BRINP3: variants seen among roughly 807,000 people sequenced by gnomAD.
The protein encoded by BRINP3 is BMP/retinoic acid inducible neural specific 3.
In BRINP3, 19 loss-of-function variants were observed where a neutral mutation model predicts 71.0. The observed-to-expected ratio is 0.27, with a 90% CI of 0.19 to 0.39. The LOEUF is 0.39. Among genes scored for constraint, BRINP3 ranks in the 10% least tolerant of loss-of-function variants. BRINP3 has a pLI of 1.00. For missense variants in BRINP3, 959 were observed against 940.8 expected, an observed-to-expected ratio of 1.02 and a Z score of -0.25; for synonymous variants, 380 against 337.7, an observed-to-expected ratio of 1.13 and a Z score of -1.37.
At chr1:190,195,067 C>A (rs572832297) in intron 6 of BRINP3, among the ~76,000 whole-genome samples, 1 of 151,696 alleles carries the variant, frequency 6.6e-6, no homozygotes, top group African/African-American at 2.4e-5. Flanking sequence ...AGGGTTAGTC[C>A]TCTAAAATCA....
chr1:190,098,611 C>A lies in BRINP3; in HGVS notation c.1708G>T (p.Ala570Ser). 2 of 1,614,144 alleles carry A rather than the reference C, an allele frequency of 1.2e-6. No individual in the cohort carries two copies. The highest frequency in any genetic ancestry group is 8.5e-7 in the Non-Finnish European group (1 of 1,180,024). ...TKNSTLEPVL[A>S]VYVNPFGGSH... ...CCTCCGAAGGGATTGACATAAACAG[C>A]CAACACTGGCTCCAAGGTGCTGTTT... The change falls in exon 8 of 8, where the codon GCT (alanine) becomes TCT (serine). Residue 570 changes from alanine (A) to serine (S), a missense_variant. Coordinates refer to ENST00000367462, the MANE Select transcript of BRINP3 (RefSeq NM_199051.3).
At chr1:190,345,715 GAAAAAAAA>G (rs10664849) in intron 2 of BRINP3, among the ~76,000 whole-genome samples, 1 of 103,632 alleles carries the variant, frequency 9.6e-6, no homozygotes, top group African/African-American at 3.4e-5. Context: ...TTTACCTTCA[GAAAAAAAA>G]AAAAAAAAAG....
chr1:190,126,228 AAAAT>A (rs1241587890), intron 7 of BRINP3, among the ~76,000 whole-genome samples: 1 of 152,044 alleles, frequency 6.6e-6, no homozygotes. Flanking sequence ...AACAATTTAA[AAAAT>A]AAATCATTAA....
chr1:190,433,152 C>A (rs1201369522), intron 2 of BRINP3, among the ~76,000 whole-genome samples: 8 of 152,150 alleles, frequency 5.3e-5, no homozygotes, highest in Non-Finnish European at 8.8e-5. Context: ...CTGTCCACAT[C>A]TTCACCTACT....
chr1:190,263,010 T>C (rs1661330382), intron 4 of BRINP3, among the ~76,000 whole-genome samples: 1 of 152,164 alleles, frequency 6.6e-6, no homozygotes, highest in African/African-American at 2.4e-5. Context: ...AATGTGCCTG[T>C]ATATTTCTTA....
intron 2 of BRINP3, among the ~76,000 whole-genome samples, chr1:190,305,630 C>T (rs970429062): frequency 6.6e-6 from 1 of 151,658 alleles, no homozygotes; most frequent in East Asian, 1.9e-4. Context: ...TGCTACAACA[C>T]CCCAGCTTCA....
At chr1:190,368,762 A>G (rs1481920793) in intron 2 of BRINP3, among the ~76,000 whole-genome samples, 2 of 152,126 alleles carry the variant, frequency 1.3e-5, no homozygotes, top group Non-Finnish European at 2.9e-5. Flanking sequence ...CTCCAGAGGA[A>G]GGTCTTCAGG....
chr1:190,436,414 T>A (rs1232149918), intron 2 of BRINP3, among the ~76,000 whole-genome samples: 3 of 151,812 alleles, frequency 2.0e-5, no homozygotes, highest in Non-Finnish European at 3.0e-5. Context: ...TCAACAATCT[T>A]AGAAAAGGAC....
intron 5 of BRINP3, 99 bp downstream of exon 5, chr1:190,234,273 G>T: frequency 3.0e-6 from 2 of 674,994 alleles, no homozygotes; most frequent in African/African-American, 1.8e-5. Flanking sequence ...TTAATAGCCT[G>T]TATGTATATG....
intron 2 of BRINP3, among the ~76,000 whole-genome samples, chr1:190,442,411 G>C (rs918990222): frequency 6.6e-6 from 1 of 152,078 alleles, no homozygotes; most frequent in Non-Finnish European, 1.5e-5. Context: ...TAATTAGTTA[G>C]CTACTAATAT....
intron 2 of BRINP3, among the ~76,000 whole-genome samples, chr1:190,409,517 AAC>A (rs1327817233): frequency 6.6e-6 from 1 of 152,178 alleles, no homozygotes; most frequent in Non-Finnish European, 1.5e-5. Flanking sequence ...AAATTTAAAA[AAC>A]AGAGTACACT....
In BRINP3 at chr1:190,382,362, G is replaced by T. The variant is rs754641639; in HGVS notation, c.236+72293C>A. 5.3e-5 allele frequency among the ~76,000 whole-genome samples: 8 copies of T among 152,120 alleles called. No individual in the cohort carries two copies. The South Asian group carries it at 8.3e-4, about 16-fold the overall frequency. On this transcript the variant is annotated intron_variant, in intron 2 of 7. Coordinates refer to ENST00000367462, the MANE Select transcript of BRINP3 (RefSeq NM_199051.3). ...CATCACAAATGAAAACACTGTTTCT[G>T]GTTCCAACTGCATATTCAATAGCTG...
At chr1:190,423,746 C>G (rs530452149) in intron 2 of BRINP3, among the ~76,000 whole-genome samples, 5 of 151,808 alleles carry the variant, frequency 3.3e-5, no homozygotes, top group South Asian at 2.1e-4. Context: ...TCCTCCACCC[C>G]CTACCCTAAA....
At chr1:190,212,097 G>A (rs1224694135) in intron 6 of BRINP3, among the ~76,000 whole-genome samples, 1 of 151,998 alleles carries the variant, frequency 6.6e-6, no homozygotes, top group Non-Finnish European at 1.5e-5. Context: ...GTTACAAAAA[G>A]TTTGTTTTAT....
intron 1 of BRINP3, among the ~76,000 whole-genome samples, chr1:190,468,022 A>G (rs1421270567): frequency 6.6e-6 from 1 of 151,376 alleles, no homozygotes; most frequent in Non-Finnish European, 1.5e-5. Flanking sequence ...GAACTTGTCA[A>G]GAATTACCTT....
At chr1:190,418,360 T>C (rs1036859959) in intron 2 of BRINP3, among the ~76,000 whole-genome samples, 3 of 152,164 alleles carry the variant, frequency 2.0e-5, no homozygotes, top group Admixed American at 1.3e-4. Flanking sequence ...TCTTATTCTT[T>C]TTATGAATTA....
chr1:190,399,408 T>G (rs1261702163), intron 2 of BRINP3, among the ~76,000 whole-genome samples: 1 of 151,956 alleles, frequency 6.6e-6, no homozygotes, highest in East Asian at 1.9e-4. Context: ...TGCCCTTTCA[T>G]CAAATTACAA....
At chr1:190,423,519 A>T (rs1432733334) in intron 2 of BRINP3, among the ~76,000 whole-genome samples, 1 of 151,874 alleles carries the variant, frequency 6.6e-6, no homozygotes, top group Non-Finnish European at 1.5e-5. Flanking sequence ...CTGGCAGCAT[A>T]CAATGCCAAA....
chr1:190,404,116 A>G (rs560224496), intron 2 of BRINP3, among the ~76,000 whole-genome samples: 33 of 152,308 alleles, frequency 2.2e-4, no homozygotes, highest in Middle Eastern at 3.4e-3. Flanking sequence ...ACCCTAAATT[A>G]TGTGAAAATC....
Sources: allele counts gnomAD v4.1 joint callset (sites outside exome capture counted in the v4.1 genomes callset), GRCh38; gene constraint gnomAD v4.1.1; transcripts MANE v1.5; gene names NCBI Gene and HGNC (gene_info 2026-07-23, HGNC 2026-07-21).